The following NCOA2 variants were observed in gnomAD, a reference collection of about 807,000 sequenced individuals.
NCOA2 encodes nuclear receptor coactivator 2.
Under a neutral mutation model 145.1 loss-of-function variants are expected in NCOA2, and 21 were observed. The observed-to-expected ratio is 0.14, with a 90% CI of 0.10 to 0.21. The LOEUF (loss-of-function observed/expected upper bound fraction) is 0.21. Ranked by LOEUF, NCOA2 falls within the 10% of genes least tolerant of loss-of-function variation. The probability of loss-of-function intolerance (pLI) is 1.00; values close to 1 mark genes in which losing one functional copy is unlikely to be tolerated. For synonymous variants in NCOA2, 619 were observed against 637.5 expected, an observed-to-expected ratio of 0.97 and a Z score of 0.44; for missense variants, 1,472 against 1,837.6, an observed-to-expected ratio of 0.80 and a Z score of 3.64.
intron 1 of NCOA2, among the ~76,000 whole-genome samples, chr8:70,355,142 A>G (rs1250750086): frequency 6.6e-6 from 1 of 152,220 alleles, no homozygotes; most frequent in African/African-American, 2.4e-5. Flanking sequence ...TTCTATCTCT[A>G]TTACTATGTT....
intron 1 of NCOA2, among the ~76,000 whole-genome samples, chr8:70,369,639 A>G (rs1234640057): frequency 6.6e-6 from 1 of 152,144 alleles, no homozygotes; most frequent in African/African-American, 2.4e-5. Flanking sequence ...TCTGCCAATG[A>G]TTAATTTGAG....
intron 1 of NCOA2, among the ~76,000 whole-genome samples, chr8:70,374,940 A>G (rs1464262566): frequency 6.6e-6 from 1 of 150,988 alleles, no homozygotes; most frequent in African/African-American, 2.5e-5. Context: ...AAACAATTTC[A>G]TAAGGAAAAC....
At chr8:70,122,989 G>GGTCA (rs1356808404) in intron 21 of NCOA2, among the ~76,000 whole-genome samples, 1 of 152,176 alleles carries the variant, frequency 6.6e-6, no homozygotes, top group African/African-American at 2.4e-5. Flanking sequence ...GTGGTAGAGT[G>GGTCA]GTCAGCATTT....
chr8:70,302,071 C>A (rs757563295), intron 1 of NCOA2, among the ~76,000 whole-genome samples: 18 of 152,076 alleles, frequency 1.2e-4, no homozygotes, highest in Non-Finnish European at 2.2e-4. Flanking sequence ...TAAGTCACCA[C>A]AGGATATAAC....
intron 2 of NCOA2, among the ~76,000 whole-genome samples, chr8:70,257,288 T>C (rs952225928): frequency 3.3e-5 from 5 of 152,178 alleles, no homozygotes; most frequent in African/African-American, 1.2e-4. Context: ...TTACAGTATA[T>C]TGAAGGAGAA....
chr8:70,344,724 G>C (rs1808462218), intron 1 of NCOA2, among the ~76,000 whole-genome samples: 1 of 152,166 alleles, frequency 6.6e-6, no homozygotes, highest in Non-Finnish European at 1.5e-5. Context: ...AGGAGAGAGA[G>C]TGCTCCAGCT....
intron 1 of NCOA2, among the ~76,000 whole-genome samples, chr8:70,317,417 C>G (rs1805682038): frequency 6.6e-6 from 1 of 152,174 alleles, no homozygotes; most frequent in Non-Finnish European, 1.5e-5. Context: ...CACAAGAAGG[C>G]ACACCAAAAG....
At chr8:70,291,074 C>A (rs1468603722) in intron 2 of NCOA2, among the ~76,000 whole-genome samples, 1 of 152,092 alleles carries the variant, frequency 6.6e-6, no homozygotes, top group Non-Finnish European at 1.5e-5. Context: ...AGACCTTCTC[C>A]CTGAAGCTAA....
the NCOA2 span, among the ~76,000 whole-genome samples, chr8:70,415,527 C>T: frequency 6.6e-6 from 1 of 152,108 alleles, no homozygotes; most frequent in African/African-American, 2.4e-5. Context: ...GAAGGGGTTG[C>T]AGAATATAAA....
chr8:70,358,608 T>C (rs115344133), intron 1 of NCOA2, among the ~76,000 whole-genome samples: 1,776 of 152,216 alleles, frequency 0.012, 41 homozygotes, highest in African/African-American at 0.041. Context: ...AAAAAATTAA[T>C]TCAAAATAGA....
At chr8:70,361,463 T>A (rs981478084) in intron 1 of NCOA2, among the ~76,000 whole-genome samples, 2 of 148,700 alleles carry the variant, frequency 1.3e-5, no homozygotes, top group East Asian at 2.0e-4. Context: ...AGAACAAAAC[T>A]CCGTCTCAAA....
intron 2 of NCOA2, among the ~76,000 whole-genome samples, chr8:70,291,008 T>C (rs915339239): frequency 1.3e-5 from 2 of 152,206 alleles, no homozygotes; most frequent in Non-Finnish European, 2.9e-5. Flanking sequence ...CCAAATCTAA[T>C]GCCAAGTATT....
rs184372575 is a variant in NCOA2 at position 70,323,250 on chromosome 8, T to A, written c.-76-26450A>T. On this transcript the variant is annotated intron_variant, in intron 1 of 22. Transcript: ENST00000452400. Reference sequence around the variant, plus strand: ...ATCCCTGCCTGAGTAGAGTTTACCATCTAGAGGAAACAAACTAAAAGAAGT... The same window carrying A: ...ATCCCTGCCTGAGTAGAGTTTACCAACTAGAGGAAACAAACTAAAAGAAGT... Among the ~76,000 whole-genome samples the A allele has an allele frequency of 2.4e-3, 371 of 152,332 alleles. 2 individuals are homozygous for A. The highest frequency in any genetic ancestry group is 8.4e-3 in the African/African-American group (348 of 41,570).
chr8:70,307,738 C>A (rs1828004442), intron 1 of NCOA2, among the ~76,000 whole-genome samples: 1 of 152,178 alleles, frequency 6.6e-6, no homozygotes, highest in South Asian at 2.1e-4. Context: ...ACTAGCAGTA[C>A]ATGCTGAACT....
At chr8:70,175,847 C>T (rs1355214973) in intron 4 of NCOA2, among the ~76,000 whole-genome samples, 1 of 149,228 alleles carries the variant, frequency 6.7e-6, no homozygotes, top group African/African-American at 2.5e-5. Context: ...TCAGAATTAA[C>T]CTGCTTTCAG....
Position 70,170,335 on chromosome 8 carries a change from A to C in NCOA2, c.408T>G (p.Val136=). The change falls in exon 6 of 23, where the codon GTT becomes GTG. Residue 136 remains valine, a synonymous_variant. Transcript: ENST00000452400. ...FFFVVNLEGN[V]VFVSENVTQY... ...GTGTCACATTCTCTGACACAAACACAACGTTGCCTTCCAGGTTCACTACAA... is the reference window on the plus strand; with the variant it reads ...GTGTCACATTCTCTGACACAAACACCACGTTGCCTTCCAGGTTCACTACAA... The C allele has an allele frequency of 6.2e-7, 1 of 1,604,442 alleles. No homozygotes were observed. Among genetic ancestry groups the C allele is most frequent in the East Asian group, 2.2e-5 (1 of 44,590 alleles).
chr8:70,235,176 T>C (rs564487462), intron 2 of NCOA2, among the ~76,000 whole-genome samples: 9 of 152,338 alleles, frequency 5.9e-5, no homozygotes, highest in Admixed American at 3.3e-4. Flanking sequence ...TGTTAAAACA[T>C]GGATGAACCT....
chr8:70,322,392 T>C (rs1053132923), intron 1 of NCOA2, among the ~76,000 whole-genome samples: 4 of 152,168 alleles, frequency 2.6e-5, no homozygotes, highest in African/African-American at 9.7e-5. Context: ...ATATATTCAC[T>C]ACAGAAAACT....
At chr8:70,441,827 A>G in the NCOA2 span, among the ~76,000 whole-genome samples, 1 of 147,664 alleles carries the variant, frequency 6.8e-6, no homozygotes, top group African/African-American at 2.6e-5. Flanking sequence ...AAGAAAGAAG[A>G]AAGAAAGAAA....
Sources: gnomAD v4.1 joint callset for allele counts (sites outside exome capture counted in the v4.1 genomes callset) on GRCh38, gnomAD v4.1.1 for gene constraint, MANE v1.5 for transcripts, NCBI Gene and HGNC (gene_info 2026-07-23, HGNC 2026-07-21) for gene names.